SIAH3: variants seen among roughly 807,000 people sequenced by gnomAD.
SIAH3 encodes the protein siah E3 ubiquitin protein ligase family member 3.
A neutral mutation model predicts 12.6 loss-of-function variants in SIAH3; 9 were observed. The observed-to-expected ratio is 0.72, with a 90% CI of 0.43 to 1.25. The LOEUF is 1.25. Among genes scored for constraint, SIAH3 ranks in the 50% most tolerant of loss-of-function variants. SIAH3 has a pLI of 0.00. For synonymous variants in SIAH3, 154 were observed against 151.1 expected, an observed-to-expected ratio of 1.02 and a Z score of -0.14; for missense variants, 390 against 365.4, an observed-to-expected ratio of 1.07 and a Z score of -0.55.
At chr13:45,788,366 C>T (rs1156554065) in intron 1 of SIAH3, among the ~76,000 whole-genome samples, 2 of 152,182 alleles carry the variant, frequency 1.3e-5, no homozygotes, top group African/African-American at 4.8e-5. Flanking sequence ...TTAGTGATTA[C>T]ACTAATTAAA....
rs1950635126 is a variant in SIAH3, at chr13:45,816,534, C to T, written c.136-32477G>A. Among the ~76,000 whole-genome samples, 5 of 152,350 alleles carry T rather than the reference C, an allele frequency of 3.3e-5. No individual in the cohort carries two copies. In the South Asian group the frequency reaches 1.0e-3, roughly 32 times the overall value. ...GTTATGAACCCTGAGGAATGGCATTCATTCAAATGTAAATGTCAACATAGC... is the reference window on the plus strand; with the variant it reads ...GTTATGAACCCTGAGGAATGGCATTTATTCAAATGTAAATGTCAACATAGC... On this transcript the variant is annotated intron_variant, in intron 1 of 1. Transcript: ENST00000400405.
chr13:45,817,147 C>T (rs1362999545), intron 1 of SIAH3, among the ~76,000 whole-genome samples: 1 of 152,218 alleles, frequency 6.6e-6, no homozygotes, highest in Non-Finnish European at 1.5e-5. Context: ...GAGTCATGCA[C>T]TGCATAACAA....
intron 1 of SIAH3, among the ~76,000 whole-genome samples, chr13:45,831,750 G>A (rs1333573580): frequency 6.6e-6 from 1 of 152,214 alleles, no homozygotes; most frequent in East Asian, 1.9e-4. Context: ...ATTTCTTCAT[G>A]TGTCTCTTCA....
At chr13:45,796,447 C>CTA (rs147331352) in intron 1 of SIAH3, among the ~76,000 whole-genome samples, 1,571 of 152,200 alleles carry the variant, frequency 0.01, 23 homozygotes, top group African/African-American at 0.035. Flanking sequence ...ATACCAGTAG[C>CTA]TAGGGGGATT....
At chr13:45,790,899 T>C (rs944323743) in intron 1 of SIAH3, among the ~76,000 whole-genome samples, 22 of 152,224 alleles carry the variant, frequency 1.4e-4, no homozygotes, top group Non-Finnish European at 4.4e-5. Flanking sequence ...TCACTAGTTA[T>C]GGCCAGGTGC....
At chr13:45,819,497 T>C (rs950730445) in intron 1 of SIAH3, among the ~76,000 whole-genome samples, 9 of 151,796 alleles carry the variant, frequency 5.9e-5, no homozygotes, top group African/African-American at 9.7e-5. Context: ...AAGAAACCAA[T>C]AACTGCAAAT....
intron 1 of SIAH3, among the ~76,000 whole-genome samples, chr13:45,804,708 C>T (rs1212444049): frequency 6.6e-6 from 1 of 151,978 alleles, no homozygotes; most frequent in Non-Finnish European, 1.5e-5. Flanking sequence ...TATTGGAAGT[C>T]CAAGCCAGAG....
intron 1 of SIAH3, among the ~76,000 whole-genome samples, chr13:45,801,095 C>CGGGGG (rs56007987): frequency 1.8e-5 from 2 of 114,120 alleles, no homozygotes; most frequent in African/African-American, 6.6e-5. Context: ...TGATGGGTGG[C>CGGGGG]GGGGGGGGGC....
chr13:45,787,794 A>G (rs1038486235), intron 1 of SIAH3, among the ~76,000 whole-genome samples: 2 of 152,210 alleles, frequency 1.3e-5, no homozygotes, highest in African/African-American at 4.8e-5. Context: ...AGACCCAGCT[A>G]TGTGCTTTAG....
At chr13:45,790,256 GA>G in intron 1 of SIAH3, among the ~76,000 whole-genome samples, 1 of 152,316 alleles carries the variant, frequency 6.6e-6, no homozygotes, top group South Asian at 2.1e-4. Flanking sequence ...TGTTTAGCTA[GA>G]AAAGAGGCTA....
intron 1 of SIAH3, among the ~76,000 whole-genome samples, chr13:45,841,736 T>C (rs987908134): frequency 1.7e-4 from 26 of 152,226 alleles, no homozygotes; most frequent in African/African-American, 5.3e-4. Flanking sequence ...GGATCCATCC[T>C]GCTGTTTGAA....
At chr13:45,843,032 C>CTGTGTGTGTGTGTGTATGTG (rs746384493) in intron 1 of SIAH3, among the ~76,000 whole-genome samples, 1 of 126,902 alleles carries the variant, frequency 7.9e-6, no homozygotes, top group African/African-American at 3.4e-5. Flanking sequence ...CTCTCTCTCT[C>CTGTGTGTGTGTGTGTATGTG]TCTGTGTGTG....
At chr13:45,789,410 AT>A (rs1950538943) in intron 1 of SIAH3, among the ~76,000 whole-genome samples, 1 of 142,536 alleles carries the variant, frequency 7.0e-6, no homozygotes, top group Non-Finnish European at 1.6e-5. Context: ...CTATCTATCT[AT>A]CTATCTATAT....
intron 1 of SIAH3, among the ~76,000 whole-genome samples, chr13:45,803,026 C>T (rs1016168664): frequency 6.6e-5 from 10 of 151,852 alleles, no homozygotes; most frequent in African/African-American, 1.9e-4. Flanking sequence ...GAGCTGAGAT[C>T]GCTCACTGCA....
At chr13:45,820,343 G>A (rs1032339465) in intron 1 of SIAH3, among the ~76,000 whole-genome samples, 2 of 152,116 alleles carry the variant, frequency 1.3e-5, no homozygotes, top group African/African-American at 4.8e-5. Context: ...CCTGTGGTGG[G>A]GACGGAGCCA....
At position 45,782,638 on chromosome 13, in the gene SIAH3, C is replaced by CA. The variant is rs978259169; in HGVS notation, c.*744dup. On this transcript the variant is annotated 3_prime_UTR_variant, in exon 2 of 2. Coordinates refer to ENST00000400405, the MANE Select transcript of SIAH3 (RefSeq NM_198849.3). ...GGCAAAGGGGTTTTTAAGAAAGCAT[C>CA]AAAAATCTGAGGACTTTGATTCCAG... 7.2e-5 allele frequency: 11 copies of CA among 152,086 alleles called. No individual in the cohort carries two copies. Among genetic ancestry groups the CA allele is most frequent in the African/African-American group, 2.2e-4 (9 of 41,394 alleles). The allele number at this position is 152,086 out of a possible 1,614,324, so 9.4% of individuals were successfully genotyped here. A position where few individuals can be genotyped will look rare whatever the true frequency, so the allele number is the denominator to read the frequency against.
At chr13:45,817,717 A>G (rs1022187541) in intron 1 of SIAH3, among the ~76,000 whole-genome samples, 2 of 152,248 alleles carry the variant, frequency 1.3e-5, no homozygotes, top group African/African-American at 4.8e-5. Flanking sequence ...CCAAAGCTGG[A>G]AGAGGCAAAG....
intron 1 of SIAH3, among the ~76,000 whole-genome samples, chr13:45,849,063 C>CT (rs1479956291): frequency 1.3e-5 from 2 of 152,122 alleles, no homozygotes; most frequent in Non-Finnish European, 2.9e-5. Context: ...GGAGTTAGTC[C>CT]TTTTAAAGCT....
chr13:45,783,863 G>A lies in SIAH3; in HGVS notation c.330C>T (p.Pro110=). 1 of 1,614,008 alleles carries A rather than the reference G, an allele frequency of 6.2e-7. No homozygotes were observed. The highest frequency in any genetic ancestry group is 1.3e-5 in the African/African-American group (1 of 75,058). Residue 110 remains proline (P), a synonymous_variant, in exon 2 of 2, where the codon CCC becomes CCT. Transcript: ENST00000400405. ...GGCCTTCCCACTGGCAGGAGAACAA[G>A]GGACACATGCACAGGCAGGGCGTCA... The part of the protein sequence containing the change: ...NPVTPCLCMC[P]LFSCQWEGRL...
Sources: allele counts gnomAD v4.1 joint callset (sites outside exome capture counted in the v4.1 genomes callset), GRCh38; gene constraint gnomAD v4.1.1; transcripts MANE v1.5; gene names NCBI Gene and HGNC (gene_info 2026-07-23, HGNC 2026-07-21).